Variants in RAD18 observed in about 807,000 individuals in gnomAD.
RAD18 encodes the protein E3 ubiquitin-protein ligase RAD18.
RAD18 carries 47 observed loss-of-function variants against 60.4 expected under a neutral mutation model. The ratio of observed to expected loss-of-function variants is 0.78; its 90% CI spans 0.62 to 0.99. The LOEUF (loss-of-function observed/expected upper bound fraction) is 0.99. Among genes scored for constraint, RAD18 ranks in the 50% least tolerant of loss-of-function variants. RAD18 has a pLI of 0.00. For synonymous variants in RAD18, 225 were observed against 195.5 expected (o/e 1.15, Z -1.26); for missense variants, 640 against 593.3 (o/e 1.08, Z -0.82).
At chr3:8,915,300 T>C (rs912453776) in intron 7 of RAD18, among the ~76,000 whole-genome samples, 3 of 152,142 alleles carry the variant, frequency 2.0e-5, no homozygotes, top group African/African-American at 7.2e-5. Context: ...GGATAACTTA[T>C]AAAACTATAA....
At chr3:8,961,801 TG>T (rs776529598) in intron 1 of RAD18, among the ~76,000 whole-genome samples, 1 of 152,168 alleles carries the variant, frequency 6.6e-6, no homozygotes, top group Non-Finnish European at 1.5e-5. Context: ...AGTGCTGTGG[TG>T]AGATACCAAA....
intron 4 of RAD18, among the ~76,000 whole-genome samples, chr3:8,944,859 GA>G: frequency 6.6e-6 from 1 of 152,142 alleles, no homozygotes; most frequent in East Asian, 1.9e-4. Flanking sequence ...GTTCTGATCA[GA>G]AACATGTAAA....
intron 9 of RAD18, among the ~76,000 whole-genome samples, chr3:8,903,193 T>C (rs183866940): frequency 1.6e-4 from 24 of 152,292 alleles, no homozygotes; most frequent in African/African-American, 5.3e-4. Context: ...AATACAAATA[T>C]GGAAACATGA....
chr3:8,918,287 C>T (rs1175576319), intron 7 of RAD18, among the ~76,000 whole-genome samples: 2 of 138,492 alleles, frequency 1.4e-5, no homozygotes, highest in Non-Finnish European at 3.0e-5. Flanking sequence ...CATTGCACTC[C>T]AGCCTGGGCA....
chr3:8,959,711 A>G (rs1322331234), intron 1 of RAD18, among the ~76,000 whole-genome samples: 2 of 152,204 alleles, frequency 1.3e-5, no homozygotes, highest in Non-Finnish European at 2.9e-5. Flanking sequence ...CTGGCAACCT[A>G]AAATCTTTCA....
At chr3:8,958,539 T>C (rs1431828892) in intron 2 of RAD18, among the ~76,000 whole-genome samples, 2 of 152,214 alleles carry the variant, frequency 1.3e-5, no homozygotes, top group Non-Finnish European at 2.9e-5. Flanking sequence ...TTGTTACAGA[T>C]TTTTAAACTT....
chr3:8,963,132 A>G (rs1021500729), intron 1 of RAD18, among the ~76,000 whole-genome samples: 2 of 152,166 alleles, frequency 1.3e-5, no homozygotes, highest in Admixed American at 1.3e-4. Context: ...TCAGCTCACC[A>G]GGCTTGTCCT....
intron 1 of RAD18, among the ~76,000 whole-genome samples, chr3:8,961,151 T>C (rs45571232): frequency 0.073 from 11,067 of 152,266 alleles, 512 homozygotes; most frequent in South Asian, 0.14. Context: ...CAGAGCACAA[T>C]TGTGGAAGTT....
intron 6 of RAD18, 141 bp downstream of exon 6, chr3:8,939,413 T>C (rs1940707140): frequency 1.8e-6 from 1 of 571,238 alleles, no homozygotes. Context: ...TTGGAAGAAG[T>C]GGCCAACAGG....
chr3:8,925,226 G>T (rs1292171631), intron 7 of RAD18, among the ~76,000 whole-genome samples: 1 of 151,944 alleles, frequency 6.6e-6, no homozygotes, highest in Non-Finnish European at 1.5e-5. Flanking sequence ...TGATAAAGGG[G>T]ATATCACCAC....
Position 8,881,335 on chromosome 3 carries a change from GA to G in RAD18, c.*21del. ...GTACGGTATTCTAATCAATGCATTT[GA>G]AAAGTCAGCAAAAGCCCACATTAAT... On this transcript the variant is annotated 3_prime_UTR_variant, in exon 13 of 13. Coordinates refer to ENST00000264926, the MANE Select transcript of RAD18 (RefSeq NM_020165.4). 1 of 1,548,486 alleles carries G rather than the reference GA, an allele frequency of 6.5e-7. No homozygotes were observed. Among genetic ancestry groups the G allele is most frequent in the Non-Finnish European group, 8.9e-7 (1 of 1,124,142 alleles).
In RAD18 at chr3:8,912,312, G is replaced by A. The variant is rs765443201; in HGVS notation, c.1027C>T (p.Arg343Cys). Residue 343 changes from arginine (R) to cysteine (C), a missense_variant and splice_region_variant, in exon 9 of 13, where the codon CGT becomes TGT. Arg to Cys is a radical substitution (Grantham distance 180). Coordinates refer to ENST00000264926, the MANE Select transcript of RAD18 (RefSeq NM_020165.4). Reference protein sequence around the residue: ...KEIDEIHSKYRKKHKSEFQLL... With the variant: ...KEIDEIHSKYCKKHKSEFQLL... The stretch of plus-strand genomic sequence containing the variant: ...AATTAAATAAAGTCGTGCAACTTAC[G>A]ATATTTACTGTGGATTTCATCTATT... The A allele has an allele frequency of 1.5e-5, 23 of 1,553,292 alleles. No individual in the cohort carries two copies. Among genetic ancestry groups the A allele is most frequent in the Admixed American group, 1.4e-4 (7 of 48,890 alleles).
intron 11 of RAD18, among the ~76,000 whole-genome samples, chr3:8,897,756 C>T (rs1427813941): frequency 6.6e-6 from 1 of 152,096 alleles, no homozygotes; most frequent in South Asian, 2.1e-4. Context: ...GAGGGCAATG[C>T]CTACATATCA....
intron 7 of RAD18, among the ~76,000 whole-genome samples, chr3:8,932,957 G>A (rs544751202): frequency 2.6e-5 from 4 of 152,054 alleles, no homozygotes; most frequent in South Asian, 2.1e-4. Context: ...TTAGCCGGGC[G>A]TGCTGGCAGG....
chr3:8,941,429 A>C, intron 5 of RAD18, 38 bp downstream of exon 5: 1 of 1,470,746 alleles, frequency 6.8e-7, no homozygotes. Flanking sequence ...GTGGATGAAA[A>C]GATGTCCATA....
intron 6 of RAD18, 113 bp downstream of exon 6, chr3:8,939,441 G>A: frequency 2.4e-6 from 2 of 825,204 alleles, no homozygotes; most frequent in Middle Eastern, 2.4e-4. Context: ...AAGAAAGCAA[G>A]TAAGAGCAGG....
At chr3:8,887,255 C>T (rs1459027427) in intron 12 of RAD18, among the ~76,000 whole-genome samples, 10 of 152,160 alleles carry the variant, frequency 6.6e-5, no homozygotes, top group Non-Finnish European at 1.5e-4. Flanking sequence ...CTGTGAACCA[C>T]TTATTTATAG....
At position 8,912,295 on chromosome 3, in the gene RAD18, A is replaced by G. The variant is rs775322622; in HGVS notation, c.1027+17T>C. The G allele has an allele frequency of 2.6e-6, 4 of 1,524,116 alleles. No individual in the cohort carries two copies. The allele number at this position is 1,524,116 out of a possible 1,614,324, so 94.4% of individuals were successfully genotyped here. On this transcript the variant is annotated intron_variant, in intron 9 of 12. Transcript: ENST00000264926. ...AACTGAAGCTCTTTACAAATTAAAT[A>G]AAGTCGTGCAACTTACGATATTTAC...
At chr3:8,962,506 A>G (rs1275528786) in intron 1 of RAD18, among the ~76,000 whole-genome samples, 1 of 152,232 alleles carries the variant, frequency 6.6e-6, no homozygotes, top group Non-Finnish European at 1.5e-5. Context: ...GACAGGTATT[A>G]TAATCCCCAA....
Sources: allele counts gnomAD v4.1 joint callset (sites outside exome capture counted in the v4.1 genomes callset), GRCh38; gene constraint gnomAD v4.1.1; transcripts MANE v1.5; gene names NCBI Gene and HGNC (gene_info 2026-07-23, HGNC 2026-07-21).